The following TULP4 variants were observed in gnomAD, a reference collection of about 807,000 sequenced individuals.
TULP4 encodes the protein tubby-related protein 4.
Under a neutral mutation model 129.0 loss-of-function variants are expected in TULP4, and 16 were observed. That is an observed-to-expected ratio of 0.12 (90% CI 0.08 to 0.19). The LOEUF is 0.19. Ranked by LOEUF, TULP4 falls within the 10% of genes least tolerant of loss-of-function variation. The pLI is 1.00. For missense variants in TULP4, 1,842 were observed against 2,059.1 expected (o/e 0.89, Z 2.04); for synonymous variants, 998 against 854.0 (o/e 1.17, Z -2.94).
At chr6:158,475,952 G>C (rs935747251) in intron 6 of TULP4, among the ~76,000 whole-genome samples, 22 of 152,156 alleles carry the variant, frequency 1.4e-4, no homozygotes, top group Admixed American at 1.3e-4. Context: ...GACTTTCTGT[G>C]GACTTACAGG....
intron 1 of TULP4, among the ~76,000 whole-genome samples, chr6:158,349,061 G>A (rs1780404940): frequency 3.2e-5 from 2 of 62,476 alleles, no homozygotes; most frequent in East Asian, 4.2e-4. Context: ...TCCCAGACGG[G>A]GCGGCCAGGC....
At chr6:158,232,759 C>G (rs961178760) in intron 1 of TULP4, among the ~76,000 whole-genome samples, 9 of 152,138 alleles carry the variant, frequency 5.9e-5, no homozygotes, top group African/African-American at 2.4e-5. Context: ...GCGTCGGGCC[C>G]GAGCGGCTTC....
At chr6:158,423,634 TTG>T (rs540495603) in intron 2 of TULP4, among the ~76,000 whole-genome samples, 1 of 13,322 alleles carries the variant, frequency 7.5e-5, no homozygotes, top group African/African-American at 5.5e-4. Flanking sequence ...TTTTTGTTTT[TTG>T]TTGTTGTTGT....
At chr6:158,442,477 C>T (rs1362250119) in intron 3 of TULP4, among the ~76,000 whole-genome samples, 1 of 151,894 alleles carries the variant, frequency 6.6e-6, no homozygotes, top group Non-Finnish European at 1.5e-5. Flanking sequence ...CAGGCTCTGA[C>T]TACACACCAA....
intron 1 of TULP4, among the ~76,000 whole-genome samples, chr6:158,267,659 T>C (rs1379498152): frequency 1.3e-5 from 2 of 152,218 alleles, no homozygotes; most frequent in Admixed American, 6.5e-5. Flanking sequence ...CTTTCTCAAT[T>C]AGCAAATTGT....
At chr6:158,258,146 C>G (rs1778280885) in intron 1 of TULP4, among the ~76,000 whole-genome samples, 1 of 152,168 alleles carries the variant, frequency 6.6e-6, no homozygotes, top group Non-Finnish European at 1.5e-5. Context: ...CCTAACTCAA[C>G]TAACACAAAA....
At chr6:158,427,372 A>C (rs1398038404) in intron 2 of TULP4, among the ~76,000 whole-genome samples, 1 of 151,676 alleles carries the variant, frequency 6.6e-6, no homozygotes, top group African/African-American at 2.4e-5. Context: ...ATTATACCTT[A>C]ATAAAGTTGA....
chr6:158,448,301 C>T (rs1228341203), intron 3 of TULP4, among the ~76,000 whole-genome samples: 1 of 152,160 alleles, frequency 6.6e-6, no homozygotes, highest in Non-Finnish European at 1.5e-5. Flanking sequence ...ACCTGGGCCA[C>T]ACCAGCAAAA....
intron 2 of TULP4, among the ~76,000 whole-genome samples, chr6:158,421,164 A>G (rs1778329833): frequency 6.6e-6 from 1 of 152,176 alleles, no homozygotes; most frequent in South Asian, 2.1e-4. Context: ...GATCAAGACC[A>G]TCCTGGCTAA....
chr6:158,348,173 G>GTTTTTTTTTTTTTTTTTTTTTTTTT (rs34217788), intron 1 of TULP4, among the ~76,000 whole-genome samples: 15 of 112,168 alleles, frequency 1.3e-4, no homozygotes, highest in African/African-American at 5.3e-4. Flanking sequence ...TTTTTTTAAG[G>GTTTTTTTTTTTTTTTTTTTTTTTTT]TTTTTTTTTT....
At chr6:158,441,359 T>C (rs1471097606) in intron 3 of TULP4, among the ~76,000 whole-genome samples, 1 of 152,210 alleles carries the variant, frequency 6.6e-6, no homozygotes, top group Non-Finnish European at 1.5e-5. Context: ...AATTTATTAA[T>C]ATACACTGGC....
intron 1 of TULP4, among the ~76,000 whole-genome samples, chr6:158,243,239 G>A (rs536588351): frequency 2.0e-5 from 3 of 152,186 alleles, no homozygotes; most frequent in East Asian, 1.9e-4. Context: ...AGCAAATCAA[G>A]CTGTCATATA....
chr6:158,272,748 A>T (rs990122534), intron 1 of TULP4, among the ~76,000 whole-genome samples: 1 of 152,206 alleles, frequency 6.6e-6, no homozygotes, highest in African/African-American at 2.4e-5. Flanking sequence ...CTTCTTAATC[A>T]CTACTGCTTT....
At chr6:158,461,382 G>A (rs1419930729) in intron 5 of TULP4, among the ~76,000 whole-genome samples, 181 bp from the exon 6 acceptor site, 1 of 150,398 alleles carries the variant, frequency 6.6e-6, no homozygotes, top group Non-Finnish European at 1.5e-5. Context: ...TTGCACTCCA[G>A]CCTGGGCAAG....
intron 1 of TULP4, among the ~76,000 whole-genome samples, chr6:158,234,344 G>A (rs1248621279): frequency 7.0e-6 from 1 of 143,222 alleles, no homozygotes; most frequent in Non-Finnish European, 1.5e-5. Context: ...TAATGGAAGA[G>A]TCAAGAGACA....
At position 158,368,066 on chromosome 6, in the gene TULP4, C is replaced by CAAAAAAAAAAA. The variant is rs3085241; in HGVS notation, c.253-44987_253-44977dup. Among the ~76,000 whole-genome samples the CAAAAAAAAAAA allele has an allele frequency of 5.7e-3, 371 of 65,010 alleles. 27 individuals carry two copies. Among genetic ancestry groups the CAAAAAAAAAAA allele is most frequent in the Middle Eastern group, 0.011 (1 of 88 alleles). The allele number at this position is 65,010 out of a possible 152,430, so 42.6% of individuals were successfully genotyped here. A position where few individuals can be genotyped will look rare whatever the true frequency, so the allele number is the denominator to read the frequency against. On this transcript the variant is annotated intron_variant, in intron 1 of 13. Transcript: ENST00000367097. ...ACTCCAGCCTGGGTGACCCTGTCTC[C>CAAAAAAAAAAA]AAAAAAAAAAAAAAAAAAAAAAGGA...
intron 1 of TULP4, chr6:158,242,270 G>T: frequency 6.5e-7 from 1 of 1,545,958 alleles, no homozygotes. Flanking sequence ...TGGTCTATCA[G>T]TGCACATGCA....
intron 1 of TULP4, among the ~76,000 whole-genome samples, chr6:158,316,986 G>GA (rs1779506573): frequency 6.6e-6 from 1 of 152,142 alleles, no homozygotes; most frequent in African/African-American, 2.4e-5. Flanking sequence ...TTTCATGTCT[G>GA]AAAAATGGCA....
At chr6:158,355,184 G>T (rs898711612) in intron 1 of TULP4, among the ~76,000 whole-genome samples, 2 of 151,882 alleles carry the variant, frequency 1.3e-5, no homozygotes, top group Admixed American at 6.6e-5. Context: ...CAATCATCCC[G>T]CCTCAGCTTC....
Sources: allele counts gnomAD v4.1 joint callset (sites outside exome capture counted in the v4.1 genomes callset), GRCh38; gene constraint gnomAD v4.1.1; transcripts MANE v1.5; gene names NCBI Gene and HGNC (gene_info 2026-07-23, HGNC 2026-07-21).